Variants in PPP4R3B observed in about 807,000 individuals in gnomAD.
PPP4R3B encodes serine/threonine-protein phosphatase 4 regulatory subunit 3B.
In PPP4R3B, 52 loss-of-function variants were observed where a neutral mutation model predicts 95.4. The observed-to-expected ratio is 0.54, with a 90% confidence interval of 0.44 to 0.69. The LOEUF is 0.69. PPP4R3B is among the 30% of genes least tolerant of loss of function. The pLI is 0.00. For missense variants in PPP4R3B, 1,003 were observed against 1,005.9 expected, an observed-to-expected ratio of 1.00 and a Z score of 0.04; for synonymous variants, 407 against 343.9, an observed-to-expected ratio of 1.18 and a Z score of -2.03.
At chr2:55,603,800 T>C (rs893881541) in intron 3 of PPP4R3B, among the ~76,000 whole-genome samples, 178 bp downstream of exon 3, 6 of 152,232 alleles carry the variant, frequency 3.9e-5, no homozygotes, top group Non-Finnish European at 8.8e-5. Flanking sequence ...ACAAAGTTGT[T>C]TTTAAAAAAC....
Position 55,549,631 on chromosome 2 carries a change from C to T in PPP4R3B, c.*280G>A, listed in dbSNP as rs933470567. ...CCCCTCCCCTAAACCGTCCCCAAACCTGTGACTTTTCCTTGCTGAGAAGCT... is the reference window on the plus strand; with the variant it reads ...CCCCTCCCCTAAACCGTCCCCAAACTTGTGACTTTTCCTTGCTGAGAAGCT... On this transcript the variant is annotated 3_prime_UTR_variant, in exon 17 of 17. Coordinates refer to ENST00000616407, the MANE Select transcript of PPP4R3B (RefSeq NM_001122964.3). 1 of 382,764 alleles carries T rather than the reference C, an allele frequency of 2.6e-6. No individual in the cohort carries two copies. The highest frequency in any genetic ancestry group is 5.8e-5 in the East Asian group (1 of 17,318). The allele number at this position is 382,764 out of a possible 1,614,324, so 23.7% of individuals were successfully genotyped here.
At chr2:55,571,708 C>A (rs979545268) in intron 12 of PPP4R3B, among the ~76,000 whole-genome samples, 2 of 152,174 alleles carry the variant, frequency 1.3e-5, no homozygotes, top group African/African-American at 4.8e-5. Context: ...TCACTGCAAC[C>A]CCCGTCTCCC....
intron 3 of PPP4R3B, among the ~76,000 whole-genome samples, chr2:55,600,677 G>C (rs1025823661): frequency 6.6e-6 from 1 of 152,004 alleles, no homozygotes; most frequent in Non-Finnish European, 1.5e-5. Flanking sequence ...ACAGTAAAGA[G>C]TTAACTTTGC....
chr2:55,577,302 A>C lies in PPP4R3B; in HGVS notation c.1606+13T>G, dbSNP rs1688814888. 6.4e-7 allele frequency: 1 copy of C among 1,554,964 alleles called. No homozygotes were observed. Among genetic ancestry groups the C allele is most frequent in the Non-Finnish European group, 8.6e-7 (1 of 1,156,804 alleles). On this transcript the variant is annotated intron_variant, in intron 11 of 16. Transcript: ENST00000616407. ...AATTTGCATGTATTCATAAAGTATG[A>C]ATTCATACTTACCGGGACAAATTGT...
intron 2 of PPP4R3B, among the ~76,000 whole-genome samples, chr2:55,607,591 T>A (rs6545510): frequency 0.13 from 20,280 of 152,168 alleles, 2,724 homozygotes; most frequent in African/African-American, 0.35. Flanking sequence ...CCTGGGCACA[T>A]CATCCTCCAG....
intron 11 of PPP4R3B, 110 bp downstream of exon 11, chr2:55,577,205 T>C: frequency 7.5e-7 from 1 of 1,335,528 alleles, no homozygotes; most frequent in Non-Finnish European, 9.8e-7. Flanking sequence ...TCTTGGATTT[T>C]GTTTTTATGC....
chr2:55,574,916 A>G (rs1311744068), intron 11 of PPP4R3B, among the ~76,000 whole-genome samples: 2 of 149,022 alleles, frequency 1.3e-5, no homozygotes, highest in African/African-American at 2.5e-5. Flanking sequence ...ATGATTTAAT[A>G]TAATTTCATA....
rs1427890192 is a variant in PPP4R3B, at chr2:55,578,344, T to C, written c.1469-2A>G. The C allele has an allele frequency of 7.2e-7, 1 of 1,382,220 alleles. No individual in the cohort carries two copies. 85.6% of individuals were successfully genotyped at this position (1,382,220 alleles called of 1,614,324 possible). ...ATCTGTAATGTTTTAAAAAAAAATCTGAAAAAAAATATGGCAAGTTAGTTT... is the reference window on the plus strand; with the variant it reads ...ATCTGTAATGTTTTAAAAAAAAATCCGAAAAAAAATATGGCAAGTTAGTTT... On this transcript the variant is annotated splice_acceptor_variant, in intron 9 of 16. Coordinates refer to ENST00000616407, the MANE Select transcript of PPP4R3B (RefSeq NM_001122964.3). LOFTEE classifies it high-confidence loss of function.
chr2:55,603,900 T>C (rs922145499), intron 3 of PPP4R3B, 78 bp downstream of exon 3: 11 of 967,434 alleles, frequency 1.1e-5, no homozygotes, highest in African/African-American at 8.4e-5. Context: ...CACATCCTAA[T>C]ATGTTTGAAG....
In PPP4R3B at chr2:55,604,127, A is replaced by G. The variant is rs905745947; in HGVS notation, c.199-51T>C. On this transcript the variant is annotated intron_variant, in intron 2 of 16. Coordinates refer to ENST00000616407, the MANE Select transcript of PPP4R3B (RefSeq NM_001122964.3). ...TCATCACACTAGAAAAGAGGTATCT[A>G]CAAAGTACAAATAGAAATCAAGAGG... 2.1e-6 allele frequency: 3 copies of G among 1,405,034 alleles called. No homozygotes were observed. The African/African-American group carries it at 4.3e-5, about 20-fold the overall frequency. 87.0% of individuals were successfully genotyped at this position (1,405,034 alleles called of 1,614,324 possible).
intron 15 of PPP4R3B, among the ~76,000 whole-genome samples, chr2:55,560,646 A>G (rs1686474137): frequency 6.6e-6 from 1 of 151,924 alleles, no homozygotes; most frequent in Non-Finnish European, 1.5e-5. Flanking sequence ...GCGTGGTGGC[A>G]CACACCTATA....
In PPP4R3B at chr2:55,598,766, A is replaced by G; in HGVS notation, c.571T>C (p.Leu191=). The part of the protein sequence containing the change: ...ACENLENTEG[L]HHLYEIIRGI... Reference sequence around the variant, plus strand: ...CTAATAATTTCATACAAATGGTGTAAGCCTTCAGTGTTTTCTAGGTTCTCG... The same window carrying G: ...CTAATAATTTCATACAAATGGTGTAGGCCTTCAGTGTTTTCTAGGTTCTCG... The change falls in exon 4 of 17, where the codon TTA becomes CTA. Residue 191 remains leucine, a synonymous_variant. Coordinates refer to ENST00000616407, the MANE Select transcript of PPP4R3B (RefSeq NM_001122964.3). The G allele has an allele frequency of 6.2e-7, 1 of 1,614,250 alleles. No homozygotes were observed. Among genetic ancestry groups the G allele is most frequent in the Non-Finnish European group, 8.5e-7 (1 of 1,180,052 alleles).
intron 2 of PPP4R3B, among the ~76,000 whole-genome samples, chr2:55,610,058 T>G (rs1002240515): frequency 6.6e-6 from 1 of 152,214 alleles, no homozygotes; most frequent in African/African-American, 2.4e-5. Context: ...TCCCACTTTC[T>G]GGAAAGAACC....
chr2:55,560,152 G>A (rs1342069092), intron 15 of PPP4R3B, among the ~76,000 whole-genome samples: 3 of 152,200 alleles, frequency 2.0e-5, no homozygotes, highest in Middle Eastern at 3.4e-3. Context: ...ATGTGGAAGC[G>A]ACTTTGGAAC....
chr2:55,561,364 G>T (rs1686594094), intron 15 of PPP4R3B, among the ~76,000 whole-genome samples: 1 of 152,200 alleles, frequency 6.6e-6, no homozygotes, highest in Admixed American at 6.5e-5. Context: ...CCTCTACTAG[G>T]GCAGTGCGGA....
At chr2:55,593,540 A>G (rs924055651) in intron 4 of PPP4R3B, among the ~76,000 whole-genome samples, 2 of 152,162 alleles carry the variant, frequency 1.3e-5, no homozygotes, top group African/African-American at 2.4e-5. Context: ...AGGTATCTAG[A>G]AACACCTACT....
chr2:55,602,003 G>GA (rs148771088), intron 3 of PPP4R3B, among the ~76,000 whole-genome samples: 5,701 of 151,752 alleles, frequency 0.038, 143 homozygotes, highest in South Asian at 0.092. Flanking sequence ...AACCTAAGAA[G>GA]AAAAAAAATC....
At chr2:55,576,875 T>C (rs1431902327) in intron 11 of PPP4R3B, among the ~76,000 whole-genome samples, 5 of 152,172 alleles carry the variant, frequency 3.3e-5, no homozygotes, top group Non-Finnish European at 7.3e-5. Flanking sequence ...AGAAAAGGTA[T>C]GGGACGGTAG....
intron 4 of PPP4R3B, among the ~76,000 whole-genome samples, chr2:55,593,420 C>T (rs1386799796): frequency 2.6e-5 from 4 of 152,174 alleles, no homozygotes; most frequent in African/African-American, 7.2e-5. Context: ...TACCTCACTT[C>T]GGCCCAGTTA....
Sources: allele counts gnomAD v4.1 joint callset (sites outside exome capture counted in the v4.1 genomes callset), GRCh38; gene constraint gnomAD v4.1.1; transcripts MANE v1.5; gene names NCBI Gene and HGNC (gene_info 2026-07-23, HGNC 2026-07-21).